The following CNTN5 variants were observed in gnomAD, a reference collection of about 807,000 sequenced individuals.
CNTN5 encodes the protein contactin 5.
Under a neutral mutation model 129.1 loss-of-function variants are expected in CNTN5, and 77 were observed. The ratio of observed to expected loss-of-function variants is 0.60; its 90% CI spans 0.50 to 0.72. CNTN5 has a LOEUF of 0.72. Ranked by LOEUF, CNTN5 falls within the 30% of genes least tolerant of loss-of-function variation. The probability of loss-of-function intolerance (pLI) is 0.00; values close to 1 mark genes in which losing one functional copy is unlikely to be tolerated. For synonymous variants in CNTN5, 509 were observed against 465.6 expected (o/e 1.09, Z -1.20); for missense variants, 1,478 against 1,328.8 (o/e 1.11, Z -1.75).
chr11:99,515,959 A>AC (rs1329521348), intron 2 of CNTN5, among the ~76,000 whole-genome samples: 95 of 150,778 alleles, frequency 6.3e-4, no homozygotes, highest in Non-Finnish European at 1.2e-3. Flanking sequence ...GAAAAAAAAA[A>AC]AACAAAATCA....
At chr11:99,034,492 T>C (rs1863596400) in intron 1 of CNTN5, among the ~76,000 whole-genome samples, 1 of 151,718 alleles carries the variant, frequency 6.6e-6, no homozygotes, top group Admixed American at 6.6e-5. Flanking sequence ...CCTGGTTTAG[T>C]CTTGGGAGAG....
intron 2 of CNTN5, among the ~76,000 whole-genome samples, chr11:99,449,984 C>A (rs1246885928): frequency 6.6e-6 from 1 of 152,034 alleles, no homozygotes; most frequent in Non-Finnish European, 1.5e-5. Context: ...ACAGTAAAAA[C>A]CCTTAATATT....
intron 1 of CNTN5, among the ~76,000 whole-genome samples, chr11:99,278,839 C>T (rs1224182884): frequency 1.3e-5 from 2 of 151,660 alleles, no homozygotes; most frequent in Non-Finnish European, 3.0e-5. Context: ...ATCTGAAAAG[C>T]ACATCCCACA....
chr11:99,910,006 G>A (rs1949616704), intron 6 of CNTN5, among the ~76,000 whole-genome samples: 1 of 152,018 alleles, frequency 6.6e-6, no homozygotes, highest in African/African-American at 2.4e-5. Context: ...TGGTGTAATA[G>A]GAAAGTATTT....
intron 3 of CNTN5, among the ~76,000 whole-genome samples, chr11:99,635,992 A>G (rs1197180045): frequency 2.0e-5 from 3 of 152,174 alleles, no homozygotes; most frequent in African/African-American, 4.8e-5. Flanking sequence ...GCCTTTTTAC[A>G]TGGATAAAAT....
intron 13 of CNTN5, among the ~76,000 whole-genome samples, chr11:100,140,862 G>T (rs1326336110): frequency 6.6e-6 from 1 of 152,124 alleles, no homozygotes; most frequent in African/African-American, 2.4e-5. Flanking sequence ...GGTGATGTAA[G>T]AGTCAAAGTT....
At chr11:99,290,116 CAAAAT>C (rs1864107100) in intron 1 of CNTN5, among the ~76,000 whole-genome samples, 1 of 151,588 alleles carries the variant, frequency 6.6e-6, no homozygotes, top group Non-Finnish European at 1.5e-5. Context: ...ATAACCCCCC[CAAAAT>C]AAAATAAACT....
intron 3 of CNTN5, among the ~76,000 whole-genome samples, chr11:99,630,229 G>GAT (rs1951288366): frequency 3.6e-5 from 2 of 55,146 alleles, no homozygotes; most frequent in Admixed American, 3.5e-4. Context: ...TTTGCTTATG[G>GAT]ATGTGTGTGT....
intron 1 of CNTN5, among the ~76,000 whole-genome samples, chr11:99,297,472 ATG>A (rs1864441689): frequency 1.3e-5 from 2 of 151,736 alleles, no homozygotes; most frequent in African/African-American, 2.4e-5. Context: ...AGCAGATGAC[ATG>A]CTGTAGTGCC....
At chr11:99,492,104 G>GTTGGGTTCACGCC (rs1284019131) in intron 2 of CNTN5, among the ~76,000 whole-genome samples, 1 of 152,108 alleles carries the variant, frequency 6.6e-6, no homozygotes, top group Non-Finnish European at 1.5e-5. Context: ...GGAGCCATCT[G>GTTGGGTTCACGCC]TTGGGTTCAC....
chr11:99,711,175 T>C (rs927153572), intron 3 of CNTN5, among the ~76,000 whole-genome samples: 7 of 151,932 alleles, frequency 4.6e-5, no homozygotes, highest in Non-Finnish European at 8.8e-5. Context: ...AGTCACCCTT[T>C]AATAAACTTT....
At chr11:100,091,719 G>A (rs577905632) in intron 13 of CNTN5, among the ~76,000 whole-genome samples, 5 of 152,090 alleles carry the variant, frequency 3.3e-5, no homozygotes, top group East Asian at 3.9e-4. Context: ...AAGCCACCGC[G>A]CCCAGCCTAT....
chr11:99,038,383 G>A (rs77316240), intron 1 of CNTN5, among the ~76,000 whole-genome samples: 6,504 of 152,066 alleles, frequency 0.043, 478 homozygotes, highest in East Asian at 0.24. Flanking sequence ...TCAGATCAGC[G>A]TAATTAGCAT....
intron 1 of CNTN5, among the ~76,000 whole-genome samples, chr11:99,258,149 T>C (rs1332125963): frequency 6.6e-6 from 1 of 152,066 alleles, no homozygotes; most frequent in East Asian, 1.9e-4. Flanking sequence ...GAGTGTATTC[T>C]TTTTTTAACT....
intron 4 of CNTN5, among the ~76,000 whole-genome samples, chr11:99,839,940 T>C (rs1947428246): frequency 6.6e-6 from 1 of 151,778 alleles, no homozygotes; most frequent in African/African-American, 2.4e-5. Context: ...AAATAAATTT[T>C]CCTGAAAAAG....
chr11:100,043,661 T>C (rs1942492543), intron 9 of CNTN5, among the ~76,000 whole-genome samples: 2 of 152,152 alleles, frequency 1.3e-5, no homozygotes, highest in South Asian at 4.1e-4. Flanking sequence ...ACATGGATTT[T>C]CCTGCCAGGA....
chr11:99,614,207 T>G (rs910632439), intron 3 of CNTN5, among the ~76,000 whole-genome samples: 4 of 152,214 alleles, frequency 2.6e-5, no homozygotes, highest in African/African-American at 7.2e-5. Context: ...TATGTGCTTG[T>G]TTTTACTATA....
intron 6 of CNTN5, among the ~76,000 whole-genome samples, chr11:99,896,961 C>T (rs1949222928): frequency 1.3e-5 from 2 of 152,132 alleles, no homozygotes; most frequent in African/African-American, 2.4e-5. Flanking sequence ...AAGCATTCTG[C>T]CTGCCCTGAC....
chr11:99,688,138 C>T (rs576836270), intron 3 of CNTN5, among the ~76,000 whole-genome samples: 10 of 152,152 alleles, frequency 6.6e-5, no homozygotes, highest in African/African-American at 1.4e-4. Flanking sequence ...CTACAAATAA[C>T]GCAGATGAGT....
Sources: allele counts gnomAD v4.1 joint callset (sites outside exome capture counted in the v4.1 genomes callset), GRCh38; gene constraint gnomAD v4.1.1; transcripts MANE v1.5; gene names NCBI Gene and HGNC (gene_info 2026-07-23, HGNC 2026-07-21).